Variants in SMIM14 observed in about 807,000 individuals in gnomAD.
SMIM14 encodes small integral membrane protein 14.
Under a neutral mutation model 12.6 loss-of-function variants are expected in SMIM14, and 5 were observed. That is an observed-to-expected ratio of 0.40 (90% confidence interval 0.21 to 0.83). The LOEUF is 0.83. Among genes scored for constraint, SMIM14 ranks in the 40% least tolerant of loss-of-function variants. SMIM14 has a pLI of 0.37. For missense variants in SMIM14, 86 were observed against 119.1 expected, an observed-to-expected ratio of 0.72 and a Z score of 1.29; for synonymous variants, 30 against 40.1, an observed-to-expected ratio of 0.75 and a Z score of 0.95.
In SMIM14 at chr4:39,600,865, C is replaced by T. The variant is rs149777387; in HGVS notation, c.75+4206G>A. 1.3e-3 allele frequency among the ~76,000 whole-genome samples: 199 copies of T among 151,930 alleles called. 1 individual carries two copies. Among genetic ancestry groups the T allele is most frequent in the African/African-American group, 4.4e-3 (183 of 41,406 alleles). The stretch of plus-strand genomic sequence containing the variant: ...CAGTCTGGGTGACAGAGGGAGACTC[C>T]ATCTCAAAATAAATAAATAAATAAA... On this transcript the variant is annotated intron_variant, in intron 2 of 4. Transcript: ENST00000295958.
chr4:39,609,387 C>T (rs1316719261), intron 1 of SMIM14, among the ~76,000 whole-genome samples: 1 of 151,940 alleles, frequency 6.6e-6, no homozygotes, highest in Non-Finnish European at 1.5e-5. Context: ...TAAACTCATC[C>T]GGAGAGTCAG....
chr4:39,550,841 TGTA>T lies in SMIM14; in HGVS notation c.*1282_*1284del, dbSNP rs1432295016. The stretch of plus-strand genomic sequence containing the variant: ...GGTCAGAGGATAACAAAAGACTCAA[TGTA>T]GTAAATAAGTAAATAGGCATTCAAA... On this transcript the variant is annotated 3_prime_UTR_variant, in exon 5 of 5. Coordinates refer to ENST00000295958, the MANE Select transcript of SMIM14 (RefSeq NM_174921.3). The T allele has an allele frequency of 6.6e-6, 1 of 152,060 alleles. No individual in the cohort carries two copies. The highest frequency in any genetic ancestry group is 1.5e-5 in the Non-Finnish European group (1 of 68,010). 9.4% of individuals were successfully genotyped at this position (152,060 alleles called of 1,614,324 possible). A position where few individuals can be genotyped will look rare whatever the true frequency, so the allele number is the denominator to read the frequency against.
intron 3 of SMIM14, among the ~76,000 whole-genome samples, chr4:39,565,647 C>T (rs1712533191): frequency 6.6e-6 from 1 of 152,140 alleles, no homozygotes; most frequent in Admixed American, 6.6e-5. Flanking sequence ...GAGCAAAATG[C>T]AGATGATATC....
intron 1 of SMIM14, among the ~76,000 whole-genome samples, chr4:39,632,626 T>C (rs1715946766): frequency 6.6e-6 from 1 of 150,936 alleles, no homozygotes; most frequent in South Asian, 2.1e-4. Context: ...AAACCCCAAC[T>C]CTACAAAAAA....
chr4:39,612,774 T>A (rs1409258215), intron 1 of SMIM14, among the ~76,000 whole-genome samples: 2 of 152,208 alleles, frequency 1.3e-5, no homozygotes, highest in Non-Finnish European at 2.9e-5. Flanking sequence ...CTAATTTTTG[T>A]ATTTTTGGTA....
intron 1 of SMIM14, among the ~76,000 whole-genome samples, chr4:39,637,706 G>A (rs1716151325): frequency 6.6e-6 from 1 of 152,140 alleles, no homozygotes. Flanking sequence ...AGGAATCTGC[G>A]CGGCCAGCCA....
chr4:39,548,547 G>T lies in SMIM14; in HGVS notation c.*3579C>A, dbSNP rs1327756515. ...TGGAATGTGTTTAAGAGCCAAAACT[G>T]TGAAAATGTAAGCTTTATCTTTCTT... On this transcript the variant is annotated 3_prime_UTR_variant, in exon 5 of 5. Transcript: ENST00000295958. 1 of 152,094 alleles carries T rather than the reference G, an allele frequency of 6.6e-6. No homozygotes were observed. The allele number at this position is 152,094 out of a possible 1,614,324, so 9.4% of individuals were successfully genotyped here. A position where few individuals can be genotyped will look rare whatever the true frequency, so the allele number is the denominator to read the frequency against.
intron 1 of SMIM14, chr4:39,638,144 C>CA (rs1467474403): frequency 2.0e-5 from 3 of 152,178 alleles, no homozygotes; most frequent in Admixed American, 1.3e-4. Flanking sequence ...CTATTAGTTC[C>CA]AATAAAGGGT....
At chr4:39,586,464 C>T (rs983539896) in intron 2 of SMIM14, among the ~76,000 whole-genome samples, 6 of 151,954 alleles carry the variant, frequency 3.9e-5, no homozygotes, top group Admixed American at 6.6e-5. Context: ...TGTCCAGTAA[C>T]GTTCTTCATT....
At chr4:39,572,324 T>A in intron 3 of SMIM14, 91 bp downstream of exon 3, 1 of 361,314 alleles carries the variant, frequency 2.8e-6, no homozygotes, top group Non-Finnish European at 5.0e-6. Flanking sequence ...GAATAGGCAA[T>A]GTAAGAATAA....
At chr4:39,591,166 T>C (rs1221364708) in intron 2 of SMIM14, among the ~76,000 whole-genome samples, 1 of 152,112 alleles carries the variant, frequency 6.6e-6, no homozygotes. Flanking sequence ...ACAGGCTATG[T>C]AAACAGTGGT....
intron 2 of SMIM14, chr4:39,593,999 T>C (rs1714239803): frequency 6.6e-6 from 1 of 152,156 alleles, no homozygotes. Flanking sequence ...ATAGATTCAA[T>C]GCCATCCCCA....
At chr4:39,627,490 T>G (rs1715743548) in intron 1 of SMIM14, among the ~76,000 whole-genome samples, 1 of 151,016 alleles carries the variant, frequency 6.6e-6, no homozygotes, top group Non-Finnish European at 1.5e-5. Context: ...TGACTTCAGT[T>G]TATCTATAAA....
At chr4:39,563,606 C>T (rs1712428948) in intron 3 of SMIM14, among the ~76,000 whole-genome samples, 1 of 152,162 alleles carries the variant, frequency 6.6e-6, no homozygotes, top group South Asian at 2.1e-4. Flanking sequence ...CTGGGGTACT[C>T]GTTATTTCCC....
chr4:39,562,167 C>T (rs770326810), intron 3 of SMIM14, among the ~76,000 whole-genome samples: 5 of 151,696 alleles, frequency 3.3e-5, no homozygotes, highest in Non-Finnish European at 7.4e-5. Flanking sequence ...GGAGCCCAGG[C>T]GTTTGAGACC....
chr4:39,630,382 T>C (rs1284233271), intron 1 of SMIM14, among the ~76,000 whole-genome samples: 1 of 152,012 alleles, frequency 6.6e-6, no homozygotes, highest in African/African-American at 2.4e-5. Flanking sequence ...CTCCAACCTG[T>C]GTGACAGAGA....
chr4:39,575,784 G>A (rs551515907), intron 2 of SMIM14, among the ~76,000 whole-genome samples: 2 of 144,490 alleles, frequency 1.4e-5, no homozygotes, highest in Non-Finnish European at 3.0e-5. Flanking sequence ...TTGTAGAGAT[G>A]GGGTTTTGCT....
At chr4:39,575,396 A>G (rs1432257307) in intron 2 of SMIM14, among the ~76,000 whole-genome samples, 1 of 152,016 alleles carries the variant, frequency 6.6e-6, no homozygotes, top group Admixed American at 6.6e-5. Context: ...AACAGGGTCT[A>G]TGTTGCCCAG....
chr4:39,634,377 C>T (rs1716017371), intron 1 of SMIM14, among the ~76,000 whole-genome samples: 1 of 152,052 alleles, frequency 6.6e-6, no homozygotes, highest in African/African-American at 2.4e-5. Flanking sequence ...GTACTGAACA[C>T]AATTCTAAAC....
Sources: gnomAD v4.1 joint callset for allele counts (sites outside exome capture counted in the v4.1 genomes callset) on GRCh38, gnomAD v4.1.1 for gene constraint, MANE v1.5 for transcripts, NCBI Gene and HGNC (gene_info 2026-07-23, HGNC 2026-07-21) for gene names.